Variants in XKR6 observed in about 807,000 individuals in gnomAD.
The protein encoded by XKR6 is XK related 6.
Under a neutral mutation model 56.7 loss-of-function variants are expected in XKR6, and 22 were observed. The ratio of observed to expected loss-of-function variants is 0.39; its 90% confidence interval spans 0.28 to 0.55. The LOEUF is 0.55. Ranked by LOEUF, XKR6 falls within the 20% of genes least tolerant of loss-of-function variation. XKR6 has a pLI of 0.66. For missense variants in XKR6, 852 were observed against 889.0 expected (o/e 0.96, Z 0.53); for synonymous variants, 524 against 387.8 (o/e 1.35, Z -4.13).
At chr8:11,014,359 G>T (rs779706526) in intron 1 of XKR6, among the ~76,000 whole-genome samples, 1 of 152,166 alleles carries the variant, frequency 6.6e-6, no homozygotes, top group Non-Finnish European at 1.5e-5. Flanking sequence ...ACCACAAAAG[G>T]AAAGTTTCTA....
At chr8:11,081,353 T>A (rs547891235) in intron 1 of XKR6, among the ~76,000 whole-genome samples, 2 of 152,336 alleles carry the variant, frequency 1.3e-5, no homozygotes, top group East Asian at 3.9e-4. Flanking sequence ...TGTCATCCAA[T>A]GTCAAATAGG....
chr8:11,141,881 G>A (rs1800717981), intron 1 of XKR6, among the ~76,000 whole-genome samples: 1 of 152,114 alleles, frequency 6.6e-6, no homozygotes. Context: ...GGAGTGACTG[G>A]GGAGGGGTCT....
At chr8:11,125,103 A>C in intron 1 of XKR6, among the ~76,000 whole-genome samples, 1 of 150,250 alleles carries the variant, frequency 6.7e-6, no homozygotes, top group Admixed American at 6.6e-5. Flanking sequence ...AAAAAAAAAA[A>C]GAAAAAGAAA....
chr8:11,106,247 T>C (rs1798671898), intron 1 of XKR6: 1 of 152,220 alleles, frequency 6.6e-6, no homozygotes, highest in South Asian at 2.1e-4. Flanking sequence ...TTTTGATGAA[T>C]CTTGCTTTCA....
chr8:11,025,827 G>A (rs1798848414), intron 1 of XKR6, among the ~76,000 whole-genome samples: 2 of 152,106 alleles, frequency 1.3e-5, no homozygotes, highest in Admixed American at 6.5e-5. Context: ...CTGCCTATGT[G>A]TATATACAGC....
At chr8:11,035,726 A>T (rs1376247158) in intron 1 of XKR6, among the ~76,000 whole-genome samples, 1 of 152,164 alleles carries the variant, frequency 6.6e-6, no homozygotes, top group Non-Finnish European at 1.5e-5. Flanking sequence ...TTTCAGATCC[A>T]TCATCCCTGT....
At chr8:11,051,641 G>A (rs989354532) in intron 1 of XKR6, among the ~76,000 whole-genome samples, 4 of 152,014 alleles carry the variant, frequency 2.6e-5, no homozygotes, top group South Asian at 2.1e-4. Context: ...TGCATCTGCC[G>A]GCTTCTCCCT....
chr8:11,130,621 T>G (rs1054760453), intron 1 of XKR6, among the ~76,000 whole-genome samples: 26 of 152,008 alleles, frequency 1.7e-4, no homozygotes, highest in Non-Finnish European at 2.9e-4. Flanking sequence ...GGTTTTTTTT[T>G]TTTTTAAGTT....
chr8:11,052,070 C>T lies in XKR6; in HGVS notation c.765-127240G>A, dbSNP rs932259091. ...GCATAAAATCCAATGTTCTTTCCAC[C>T]GCCTGCCTCTCTGTCCCCTTCCCCA... On this transcript the variant is annotated intron_variant, in intron 1 of 2. Coordinates refer to ENST00000416569, the MANE Select transcript of XKR6 (RefSeq NM_173683.4). Among the ~76,000 whole-genome samples the T allele has an allele frequency of 3.1e-4, 47 of 152,280 alleles. 1 individual carries two copies. Among genetic ancestry groups the T allele is most frequent in the Middle Eastern group, 3.4e-3 (1 of 294 alleles).
chr8:11,049,814 A>C (rs1380331564), intron 1 of XKR6, among the ~76,000 whole-genome samples: 1 of 152,224 alleles, frequency 6.6e-6, no homozygotes, highest in Admixed American at 6.5e-5. Flanking sequence ...TTTCCTACTT[A>C]GCTTTAAAAG....
chr8:10,938,827 C>T (rs1320670673), intron 1 of XKR6, among the ~76,000 whole-genome samples: 1 of 152,136 alleles, frequency 6.6e-6, no homozygotes, highest in East Asian at 1.9e-4. Flanking sequence ...AACACACATA[C>T]AAGTCAATTT....
chr8:10,998,535 T>C (rs1206080132), intron 1 of XKR6, among the ~76,000 whole-genome samples: 1 of 152,120 alleles, frequency 6.6e-6, no homozygotes, highest in Non-Finnish European at 1.5e-5. Flanking sequence ...TTGATTCAGA[T>C]TTATTAGGAG....
intron 1 of XKR6, chr8:11,035,208 C>T (rs780798726): frequency 2.4e-5 from 13 of 534,724 alleles, no homozygotes; most frequent in South Asian, 8.4e-5. Flanking sequence ...GGTGGCTGCT[C>T]GGATGATGAT....
chr8:11,198,636 G>T (rs900040883), intron 1 of XKR6, among the ~76,000 whole-genome samples: 2 of 152,104 alleles, frequency 1.3e-5, no homozygotes, highest in African/African-American at 4.8e-5. Context: ...TAACATTTAG[G>T]TGAATGGAGG....
chr8:11,097,754 C>T (rs1388127834), intron 1 of XKR6, among the ~76,000 whole-genome samples: 1 of 142,272 alleles, frequency 7.0e-6, no homozygotes, highest in East Asian at 2.0e-4. Context: ...CTGCAGTGAG[C>T]CAAGATCACG....
chr8:11,087,419 C>T (rs893873534), intron 1 of XKR6, among the ~76,000 whole-genome samples: 1 of 152,194 alleles, frequency 6.6e-6, no homozygotes, highest in Non-Finnish European at 1.5e-5. Context: ...TCAGCAGTCC[C>T]ATTCCTCTGG....
intron 1 of XKR6, among the ~76,000 whole-genome samples, chr8:10,985,328 C>T (rs11777667): frequency 2.6e-5 from 4 of 151,730 alleles, no homozygotes; most frequent in Non-Finnish European, 5.9e-5. Context: ...TCTCCTGCAC[C>T]CACTTTCTTG....
At chr8:11,192,306 G>A (rs923344209) in intron 1 of XKR6, among the ~76,000 whole-genome samples, 7 of 151,926 alleles carry the variant, frequency 4.6e-5, no homozygotes, top group African/African-American at 1.2e-4. Context: ...CTACAGGCGC[G>A]TGCCACCACG....
At chr8:11,175,290 T>C (rs1406168371) in intron 1 of XKR6, 1 of 152,772 alleles carries the variant, frequency 6.5e-6, no homozygotes, top group African/African-American at 2.4e-5. Flanking sequence ...GGTGAACTTT[T>C]GCTGCACGTG....
Sources: gnomAD v4.1 joint callset for allele counts (sites outside exome capture counted in the v4.1 genomes callset) on GRCh38, gnomAD v4.1.1 for gene constraint, MANE v1.5 for transcripts, NCBI Gene and HGNC (gene_info 2026-07-23, HGNC 2026-07-21) for gene names.